Variants in CCDC15 observed in about 807,000 individuals in gnomAD.
CCDC15 encodes coiled-coil domain-containing protein 15.
A neutral mutation model predicts 114.5 loss-of-function variants in CCDC15; 105 were observed. The ratio of observed to expected loss-of-function variants is 0.92; its 90% confidence interval spans 0.78 to 1.08. CCDC15 has a LOEUF of 1.08. Among genes scored for constraint, CCDC15 ranks in the 50% least tolerant of loss-of-function variants. The pLI is 0.00. For synonymous variants in CCDC15, 334 were observed against 377.8 expected (o/e 0.88, Z 1.34); for missense variants, 1,105 against 1,093.6 (o/e 1.01, Z -0.15).
Position 124,954,356 on chromosome 11 carries a change from C to T in CCDC15, c.-24C>T, listed in dbSNP as rs1947510228. 5.2e-6 allele frequency: 1 copy of T among 191,306 alleles called. No individual in the cohort carries two copies. The highest frequency in any genetic ancestry group is 8.9e-5 in the South Asian group (1 of 11,198). 11.9% of individuals were successfully genotyped at this position (191,306 alleles called of 1,614,324 possible). On this transcript the variant is annotated 5_prime_UTR_variant, in exon 1 of 16. Transcript: ENST00000344762. ...AACCTATACCGATTATTGGGACTCT[C>T]GGCTGCAGACACAGGTCCCCGCCCC...
chr11:125,029,880 ACTC>A (rs1948726693), intron 13 of CCDC15, among the ~76,000 whole-genome samples: 1 of 152,016 alleles, frequency 6.6e-6, no homozygotes, highest in South Asian at 2.1e-4. Context: ...TTCCATGCAT[ACTC>A]CTCCTTACCT....
At chr11:125,033,802 C>T (rs1948757280) in intron 13 of CCDC15, among the ~76,000 whole-genome samples, 2 of 152,202 alleles carry the variant, frequency 1.3e-5, no homozygotes, top group Non-Finnish European at 2.9e-5. Flanking sequence ...TGTAGAATCC[C>T]TATTTAGTAG....
Position 125,011,491 on chromosome 11 carries a change from C to T in CCDC15, c.2411+6279C>T, listed in dbSNP as rs185335001. On this transcript the variant is annotated intron_variant, in intron 13 of 15. Coordinates refer to ENST00000344762, the MANE Select transcript of CCDC15 (RefSeq NM_025004.3). ...GACCTCGTGATCCACCCGCCTCAGC[C>T]TCCCAATGTGCTGGGATTACAGGGT... Among the ~76,000 whole-genome samples the T allele has an allele frequency of 6.5e-3, 987 of 152,142 alleles. 4 individuals are homozygous for T. The highest frequency in any genetic ancestry group is 0.011 in the Non-Finnish European group (728 of 68,010).
At chr11:124,967,528 C>T (rs1206415111) in intron 4 of CCDC15, among the ~76,000 whole-genome samples, 2 of 152,106 alleles carry the variant, frequency 1.3e-5, no homozygotes, top group Non-Finnish European at 2.9e-5. Flanking sequence ...GTTAGCCATT[C>T]GTCTAATCTT....
chr11:125,038,227 A>C, intron 13 of CCDC15: 2 of 375,644 alleles, frequency 5.3e-6, no homozygotes, highest in Non-Finnish European at 9.4e-6. Context: ...GCCAGGAAGA[A>C]CTCTTTTAAT....
At chr11:124,965,871 T>A (rs1306651804) in intron 4 of CCDC15, among the ~76,000 whole-genome samples, 1 of 152,202 alleles carries the variant, frequency 6.6e-6, no homozygotes, top group Non-Finnish European at 1.5e-5. Flanking sequence ...AAAGAATATC[T>A]TTATTTCTGC....
At chr11:125,026,950 A>C (rs1249778787) in intron 13 of CCDC15, among the ~76,000 whole-genome samples, 1 of 152,112 alleles carries the variant, frequency 6.6e-6, no homozygotes, top group Non-Finnish European at 1.5e-5. Context: ...TTGCATCCTC[A>C]TAGCTTAGCT....
Position 125,038,955 on chromosome 11 carries a change from A to G in CCDC15, c.2620A>G (p.Lys874Glu). The G allele has an allele frequency of 6.2e-7, 1 of 1,613,324 alleles. No homozygotes were observed. Among genetic ancestry groups the G allele is most frequent in the Non-Finnish European group, 8.5e-7 (1 of 1,179,534 alleles). Residue 874 changes from lysine to glutamate, a missense_variant, in exon 15 of 16, where the codon AAA becomes GAA. Transcript: ENST00000344762. ...AGCTTTACGAGCCCAAATCCAGGAG[A>G]AAATGCAGCTGTATAATATTACTTT... ...VEALRAQIQE[K>E]MQLYNITLPP...
Position 124,964,585 on chromosome 11 carries a change from A to G in CCDC15, c.516+4582A>G, listed in dbSNP as rs191582775. Reference sequence around the variant, plus strand: ...TAAATATACAATCATGTCATCTGCAAACAGGGACAATTTGACTTCCTCTTT... The same window carrying G: ...TAAATATACAATCATGTCATCTGCAGACAGGGACAATTTGACTTCCTCTTT... On this transcript the variant is annotated intron_variant, in intron 4 of 15. Coordinates refer to ENST00000344762, the MANE Select transcript of CCDC15 (RefSeq NM_025004.3). 3.2e-4 allele frequency among the ~76,000 whole-genome samples: 48 copies of G among 152,332 alleles called. 1 individual carries two copies. Among genetic ancestry groups the G allele is most frequent in the African/African-American group, 1.1e-3 (45 of 41,582 alleles).
At chr11:125,035,970 G>T (rs1230170666) in intron 13 of CCDC15, among the ~76,000 whole-genome samples, 1 of 151,216 alleles carries the variant, frequency 6.6e-6, no homozygotes, top group African/African-American at 2.4e-5. Flanking sequence ...TTTTTGATCA[G>T]TTCATCTTTT....
intron 13 of CCDC15, among the ~76,000 whole-genome samples, chr11:125,012,931 C>T (rs1216812186): frequency 1.3e-5 from 2 of 152,012 alleles, no homozygotes; most frequent in African/African-American, 4.8e-5. Flanking sequence ...TAAACTTAAG[C>T]AAGTAACTTC....
At chr11:125,006,483 C>T (rs1403479939) in intron 13 of CCDC15, among the ~76,000 whole-genome samples, 1 of 152,064 alleles carries the variant, frequency 6.6e-6, no homozygotes, top group Non-Finnish European at 1.5e-5. Flanking sequence ...TGTAGCATGT[C>T]TTCTCATCTG....
At chr11:124,993,291 A>G (rs1333887767) in intron 11 of CCDC15, 48 bp downstream of exon 11, 11 of 1,238,264 alleles carry the variant, frequency 8.9e-6, no homozygotes, top group Non-Finnish European at 1.1e-5. Flanking sequence ...AGAGAAGTAG[A>G]GCAGAATATA....
At chr11:124,971,842 C>G (rs1022729320) in intron 4 of CCDC15, among the ~76,000 whole-genome samples, 2 of 152,108 alleles carry the variant, frequency 1.3e-5, no homozygotes, top group Non-Finnish European at 2.9e-5. Context: ...GCTAGTAATA[C>G]TCCTTCTTAA....
chr11:124,986,700 T>TGTGTGTGTGTGTGTGTGTGCGCGC (rs878887902), intron 6 of CCDC15, 42 bp from the exon 7 acceptor site: 1 of 1,298,020 alleles, frequency 7.7e-7, no homozygotes, highest in Non-Finnish European at 1.0e-6. Context: ...TTTGTGTGTG[T>TGTGTGTGTGTGTGTGTGTGCGCGC]GCGCGCGCGC....
chr11:124,964,617 T>C (rs1019650935), intron 4 of CCDC15, among the ~76,000 whole-genome samples: 2 of 152,178 alleles, frequency 1.3e-5, no homozygotes, highest in African/African-American at 4.8e-5. Context: ...CTTTTCTTAA[T>C]TGAATACCCT....
chr11:125,005,193 CA>C lies in CCDC15; in HGVS notation c.2396del (p.Lys799ArgfsTer23). The C allele has an allele frequency of 6.6e-7, 1 of 1,525,012 alleles. No homozygotes were observed. The highest frequency in any genetic ancestry group is 9.0e-7 in the Non-Finnish European group (1 of 1,115,142). The allele number at this position is 1,525,012 out of a possible 1,614,324, so 94.5% of individuals were successfully genotyped here. A position where few individuals can be genotyped will look rare whatever the true frequency, so the allele number is the denominator to read the frequency against. On this transcript the variant is annotated frameshift_variant, in exon 13 of 16. Coordinates refer to ENST00000344762, the MANE Select transcript of CCDC15 (RefSeq NM_025004.3). LOFTEE classifies it high-confidence loss of function. ...QVKEQQRQKEQKKKIEKIKKK... is the reference protein window; with the variant it reads ...QVKEQQRQKEXKKKIEKIKKK... ...TAAAGAACAACAAAGGCAAAAAGAA[CA>C]AAAGAAGAAAATTGAAAAGTAAGTT... is the stretch of plus-strand genomic sequence containing the variant.
chr11:124,954,828 G>C lies in CCDC15; in HGVS notation c.96G>C (p.Leu32=). 1 of 1,614,028 alleles carries C rather than the reference G, an allele frequency of 6.2e-7. No homozygotes were observed. The highest frequency in any genetic ancestry group is 2.2e-5 in the East Asian group (1 of 44,888). The change falls in exon 2 of 16, where the codon CTG becomes CTC. Residue 32 remains leucine, a synonymous_variant. Coordinates refer to ENST00000344762, the MANE Select transcript of CCDC15 (RefSeq NM_025004.3). ...PLKSKDVLAV[L]AERNEAIVPV... is the part of the protein sequence containing the mutation. ...AGAGCAAGGACGTGTTGGCAGTGCT[G>C]GCTGAGAGGAACGAGGCTATAGTAC...
At chr11:124,966,622 G>A (rs1018188108) in intron 4 of CCDC15, among the ~76,000 whole-genome samples, 4 of 152,052 alleles carry the variant, frequency 2.6e-5, no homozygotes, top group Non-Finnish European at 5.9e-5. Flanking sequence ...CTTTTAATTG[G>A]GGCATTTAGC....
Sources: allele counts gnomAD v4.1 joint callset (sites outside exome capture counted in the v4.1 genomes callset), GRCh38; gene constraint gnomAD v4.1.1; transcripts MANE v1.5; gene names NCBI Gene and HGNC (gene_info 2026-07-23, HGNC 2026-07-21).